The following ADGRL2 variants were observed in gnomAD, a reference collection of about 807,000 sequenced individuals.
ADGRL2 encodes the protein adhesion G protein-coupled receptor L2, also known as calcium-independent alpha-latrotoxin receptor 2.
ADGRL2 carries 44 observed loss-of-function variants against 157.4 expected under a neutral mutation model. The ratio of observed to expected loss-of-function variants is 0.28; its 90% CI spans 0.22 to 0.36. ADGRL2 has a LOEUF of 0.36. Among genes scored for constraint, ADGRL2 ranks in the 10% least tolerant of loss-of-function variants. The pLI is 1.00. For synonymous variants in ADGRL2, 585 were observed against 624.7 expected, an observed-to-expected ratio of 0.94 and a Z score of 0.95; for missense variants, 1,510 against 1,768.9, an observed-to-expected ratio of 0.85 and a Z score of 2.63.
chr1:81,596,167 G>A (rs1346021598), intron 3 of ADGRL2: 1 of 492,976 alleles, frequency 2.0e-6, no homozygotes, highest in South Asian at 1.7e-5. Flanking sequence ...ATCCGCAATG[G>A]TGACTTCCAC....
At chr1:81,549,968 G>T (rs1444572210) in intron 2 of ADGRL2, among the ~76,000 whole-genome samples, 3 of 152,084 alleles carry the variant, frequency 2.0e-5, no homozygotes, top group African/African-American at 7.2e-5. Context: ...AAAAAGAAAA[G>T]CTTCTTTGTA....
chr1:81,560,712 G>T (rs1055249015), intron 2 of ADGRL2, among the ~76,000 whole-genome samples: 1 of 152,108 alleles, frequency 6.6e-6, no homozygotes, highest in Non-Finnish European at 1.5e-5. Context: ...GGAAGAGAAA[G>T]AAATGGAGGA....
intron 1 of ADGRL2, among the ~76,000 whole-genome samples, chr1:81,335,161 AT>A (rs1661546836): frequency 6.6e-6 from 1 of 152,214 alleles, no homozygotes; most frequent in Non-Finnish European, 1.5e-5. Context: ...CTTATGAATC[AT>A]CTTATAATAA....
At chr1:81,770,663 G>T (rs918715583) in intron 2 of ADGRL2, among the ~76,000 whole-genome samples, 13 of 150,988 alleles carry the variant, frequency 8.6e-5, no homozygotes, top group Non-Finnish European at 1.6e-4. Flanking sequence ...GGTAGAGATG[G>T]GGTTTCTCCA....
At chr1:81,461,939 G>GT (rs1261347947) in intron 2 of ADGRL2, among the ~76,000 whole-genome samples, 1 of 145,802 alleles carries the variant, frequency 6.9e-6, no homozygotes, top group Non-Finnish European at 1.5e-5. Flanking sequence ...AAGGGGGGGG[G>GT]GGGTGGTGGA....
At chr1:81,503,356 C>T in intron 2 of ADGRL2, 1 of 1,614,012 alleles carries the variant, frequency 6.2e-7, no homozygotes, top group Non-Finnish European at 8.5e-7. Flanking sequence ...GGGGTCTGCT[C>T]CCCAGAGCCT....
intron 2 of ADGRL2, among the ~76,000 whole-genome samples, chr1:81,507,798 C>G (rs1287464677): frequency 6.6e-6 from 1 of 152,116 alleles, no homozygotes; most frequent in Non-Finnish European, 1.5e-5. Flanking sequence ...TTTATGCTAC[C>G]TTATGCTACC....
intron 1 of ADGRL2, among the ~76,000 whole-genome samples, chr1:81,397,488 T>G (rs1426958474): frequency 6.6e-6 from 1 of 151,842 alleles, no homozygotes; most frequent in Non-Finnish European, 1.5e-5. Flanking sequence ...CCAGACTAAT[T>G]TCTTGCATTT....
chr1:81,338,429 A>T (rs1433962949), intron 1 of ADGRL2, among the ~76,000 whole-genome samples: 1 of 151,950 alleles, frequency 6.6e-6, no homozygotes, highest in African/African-American at 2.4e-5. Flanking sequence ...GGCAGTTAAC[A>T]TTTTCTTGGT....
Position 81,927,412 on chromosome 1 carries a change from G to T in ADGRL2, c.288-9316G>T, listed in dbSNP as rs532770154. Among the ~76,000 whole-genome samples, 326 of 151,858 alleles carry T rather than the reference G, an allele frequency of 2.1e-3. 2 individuals carry two copies. Among genetic ancestry groups the T allele is most frequent in the Non-Finnish European group, 1.5e-3 (101 of 67,816 alleles). On this transcript the variant is annotated intron_variant, in intron 3 of 23. Transcript: ENST00000686636. ...AAAATAATTTTTATGCAATTTCAAG[G>T]ATTTAATCACAGGTGCAATTTTAAA...
At chr1:81,743,192 G>T (rs1028995516) in intron 1 of ADGRL2, among the ~76,000 whole-genome samples, 2 of 151,930 alleles carry the variant, frequency 1.3e-5, no homozygotes, top group African/African-American at 4.8e-5. Context: ...GAAATTAAGG[G>T]TTCTTAGAGC....
Position 81,721,928 on chromosome 1 carries a change from T to C in ADGRL2, c.-143+22120T>C, listed in dbSNP as rs549221392. On this transcript the variant is annotated intron_variant, in intron 1 of 20. Transcript: ENST00000359929. ...CAGACAAACCATCAAGTGAGGAAAG[T>C]GATCTAGAAGTTGATAATGAATGGG... The C allele has an allele frequency of 4.4e-6, 3 of 681,884 alleles. No homozygotes were observed. The East Asian group carries it at 8.7e-5, about 20-fold the overall frequency. 42.2% of individuals were successfully genotyped at this position (681,884 alleles called of 1,614,324 possible).
At chr1:81,806,436 A>C (rs1294796498) in intron 1 of ADGRL2, among the ~76,000 whole-genome samples, 6 of 152,092 alleles carry the variant, frequency 3.9e-5, no homozygotes, top group Admixed American at 3.9e-4. Context: ...TTTAAAACTA[A>C]GGTTTACTTA....
At chr1:81,600,855 G>T (rs760283377) in intron 3 of ADGRL2, among the ~76,000 whole-genome samples, 3 of 152,152 alleles carry the variant, frequency 2.0e-5, no homozygotes, top group Non-Finnish European at 2.9e-5. Flanking sequence ...TATCAGTTTG[G>T]CTACCTTGCC....
chr1:81,501,432 G>C (rs965942214), intron 2 of ADGRL2, among the ~76,000 whole-genome samples: 5 of 152,188 alleles, frequency 3.3e-5, no homozygotes, highest in African/African-American at 1.2e-4. Flanking sequence ...TTTCTGCTTA[G>C]AGCTGCTGTG....
chr1:81,430,583 T>A (rs1453541122), intron 1 of ADGRL2, among the ~76,000 whole-genome samples: 2 of 152,214 alleles, frequency 1.3e-5, no homozygotes, highest in East Asian at 3.9e-4. Context: ...GGCTGTCTTG[T>A]ATTCTGAGAT....
intron 2 of ADGRL2, among the ~76,000 whole-genome samples, chr1:81,480,526 C>T (rs1287131496): frequency 6.6e-6 from 1 of 151,984 alleles, no homozygotes; most frequent in Non-Finnish European, 1.5e-5. Context: ...ATAAGCCCAC[C>T]CTTTCTTTCT....
intron 2 of ADGRL2, among the ~76,000 whole-genome samples, chr1:81,474,411 A>G (rs1316065590): frequency 6.6e-6 from 1 of 152,224 alleles, no homozygotes; most frequent in Non-Finnish European, 1.5e-5. Context: ...TATTGGTTAA[A>G]TGGATGAATA....
intron 2 of ADGRL2, among the ~76,000 whole-genome samples, chr1:81,888,258 G>C (rs975799964): frequency 6.6e-6 from 1 of 152,054 alleles, no homozygotes; most frequent in African/African-American, 2.4e-5. Flanking sequence ...AAGCTTGACA[G>C]TGCTCATACA....
Sources: gnomAD v4.1 joint callset for allele counts (sites outside exome capture counted in the v4.1 genomes callset) on GRCh38, gnomAD v4.1.1 for gene constraint, MANE v1.5 for transcripts, NCBI Gene and HGNC (gene_info 2026-07-23, HGNC 2026-07-21) for gene names.